Variants in STAG1 observed in about 807,000 individuals in gnomAD.
The protein encoded by STAG1 is cohesin subunit SA-1.
Under a neutral mutation model 170.9 loss-of-function variants are expected in STAG1, and 26 were observed. The observed-to-expected ratio is 0.15, with a 90% CI of 0.11 to 0.21. The LOEUF (loss-of-function observed/expected upper bound fraction) is 0.21. Among genes scored for constraint, STAG1 ranks in the 10% least tolerant of loss-of-function variants. The probability of loss-of-function intolerance (pLI) is 1.00; values close to 1 mark genes in which losing one functional copy is unlikely to be tolerated. For missense variants in STAG1, 964 were observed against 1,509.5 expected, an observed-to-expected ratio of 0.64 and a Z score of 5.99; for synonymous variants, 514 against 497.7, an observed-to-expected ratio of 1.03 and a Z score of -0.44.
At chr3:136,648,088 T>C (rs1444934844) in intron 1 of STAG1, among the ~76,000 whole-genome samples, 1 of 152,228 alleles carries the variant, frequency 6.6e-6, no homozygotes, top group Non-Finnish European at 1.5e-5. Context: ...CATGAGTTGA[T>C]AACTATTGAA....
At chr3:136,565,277 A>C (rs1937036331) in intron 5 of STAG1, among the ~76,000 whole-genome samples, 1 of 152,172 alleles carries the variant, frequency 6.6e-6, no homozygotes, top group African/African-American at 2.4e-5. Flanking sequence ...AAAATAGCTG[A>C]AGTTAAATAC....
At chr3:136,560,727 T>C (rs990694760) in intron 5 of STAG1, among the ~76,000 whole-genome samples, 19 of 152,222 alleles carry the variant, frequency 1.2e-4, no homozygotes, top group African/African-American at 4.6e-4. Flanking sequence ...CTATGGGTGC[T>C]AATGCAACTT....
intron 1 of STAG1, chr3:136,736,550 C>A (rs1934344900): frequency 1.3e-6 from 2 of 1,502,642 alleles, no homozygotes; most frequent in Non-Finnish European, 1.9e-6. Flanking sequence ...GATTTATCTT[C>A]TCTTTCTTCC....
chr3:136,401,421 T>C (rs1040720924), intron 21 of STAG1, among the ~76,000 whole-genome samples: 1 of 152,236 alleles, frequency 6.6e-6, no homozygotes, highest in African/African-American at 2.4e-5. Context: ...TTCTGGATCA[T>C]ACAGTATGTG....
At chr3:136,587,145 T>C (rs2107786830) in intron 4 of STAG1, among the ~76,000 whole-genome samples, 1 of 152,144 alleles carries the variant, frequency 6.6e-6, no homozygotes, top group East Asian at 1.9e-4. Context: ...CCAAAGTTAA[T>C]TTCAGAGACT....
At chr3:136,687,690 T>C (rs1296698092) in intron 1 of STAG1, among the ~76,000 whole-genome samples, 1 of 152,024 alleles carries the variant, frequency 6.6e-6, no homozygotes, top group Non-Finnish European at 1.5e-5. Context: ...GAAACGTGGA[T>C]TATACATTGT....
chr3:136,715,992 G>A (rs1471232784), intron 1 of STAG1, among the ~76,000 whole-genome samples: 5 of 152,090 alleles, frequency 3.3e-5, no homozygotes, highest in African/African-American at 7.2e-5. Flanking sequence ...CAGCTACTCA[G>A]CAGGCTGAAG....
At chr3:136,523,853 T>C (rs1161052672) in intron 6 of STAG1, among the ~76,000 whole-genome samples, 1 of 152,148 alleles carries the variant, frequency 6.6e-6, no homozygotes, top group African/African-American at 2.4e-5. Flanking sequence ...AAATAGGGAA[T>C]CCTTTCCCCA....
chr3:136,492,122 A>G (rs761564893), intron 9 of STAG1, among the ~76,000 whole-genome samples: 20 of 152,254 alleles, frequency 1.3e-4, no homozygotes, highest in Non-Finnish European at 1.9e-4. Flanking sequence ...ACGTGCAGTA[A>G]TATCTCCTAT....
At chr3:136,751,181 TTTTG>T (rs1935211715) in intron 1 of STAG1, among the ~76,000 whole-genome samples, 2 of 147,324 alleles carry the variant, frequency 1.4e-5, no homozygotes, top group African/African-American at 5.4e-5. Flanking sequence ...CGTTTTTTTT[TTTTG>T]TTTTTTTTTT....
chr3:136,409,674 A>C lies in STAG1; in HGVS notation c.2196+8211T>G, dbSNP rs115070754. 1.2e-4 allele frequency among the ~76,000 whole-genome samples: 19 copies of C among 152,140 alleles called. No homozygotes were observed. The East Asian group carries it at 3.3e-3, about 26-fold the overall frequency. On this transcript the variant is annotated intron_variant, in intron 21 of 33. Coordinates refer to ENST00000383202, the MANE Select transcript of STAG1 (RefSeq NM_005862.3). The stretch of plus-strand genomic sequence containing the variant: ...CATTGAAACTCGCCCCCTACATTAC[A>C]CTCAGTCTGAAGAATGTGTTCATGT...
intron 4 of STAG1, among the ~76,000 whole-genome samples, chr3:136,580,852 C>T (rs886832409): frequency 6.6e-6 from 1 of 151,974 alleles, no homozygotes; most frequent in Admixed American, 6.6e-5. Flanking sequence ...ATTCTTAAAT[C>T]TAAGTTTTTC....
chr3:136,485,282 A>G (rs1286941864), intron 9 of STAG1, among the ~76,000 whole-genome samples: 1 of 152,016 alleles, frequency 6.6e-6, no homozygotes, highest in African/African-American at 2.4e-5. Context: ...ATGGTGAAAC[A>G]CCATCTCTAC....
At chr3:136,605,411 T>C (rs924935806) in intron 3 of STAG1, among the ~76,000 whole-genome samples, 8 of 152,254 alleles carry the variant, frequency 5.3e-5, no homozygotes, top group African/African-American at 1.9e-4. Flanking sequence ...CATTCATACA[T>C]TCATTCATTC....
intron 1 of STAG1, among the ~76,000 whole-genome samples, chr3:136,734,209 CCT>C (rs1014037720): frequency 6.6e-6 from 1 of 151,810 alleles, no homozygotes. Context: ...GGGCTGACTA[CCT>C]CTCAGTGCCC....
At chr3:136,342,327 T>G (rs1458994300) in intron 30 of STAG1, among the ~76,000 whole-genome samples, 1 of 151,824 alleles carries the variant, frequency 6.6e-6, no homozygotes, top group Non-Finnish European at 1.5e-5. Context: ...CCAGGAATTT[T>G]TTTTTTTTAA....
At chr3:136,556,223 A>G (rs1039660087) in intron 5 of STAG1, among the ~76,000 whole-genome samples, 1 of 152,236 alleles carries the variant, frequency 6.6e-6, no homozygotes, top group African/African-American at 2.4e-5. Context: ...TTTCACACAT[A>G]CATCCCCTTC....
intron 2 of STAG1, among the ~76,000 whole-genome samples, chr3:136,630,136 A>G (rs1029927713): frequency 2.0e-5 from 3 of 152,178 alleles, no homozygotes; most frequent in African/African-American, 7.2e-5. Context: ...CAGAGGTAGC[A>G]GTGAGCCGAG....
At chr3:136,639,067 TCACACA>T (rs370462341) in intron 1 of STAG1, among the ~76,000 whole-genome samples, 1 of 149,960 alleles carries the variant, frequency 6.7e-6, no homozygotes, top group Middle Eastern at 3.4e-3. Flanking sequence ...GAGAGAATGC[TCACACA>T]CACACACACA....
Sources: allele counts gnomAD v4.1 joint callset (sites outside exome capture counted in the v4.1 genomes callset), GRCh38; gene constraint gnomAD v4.1.1; transcripts MANE v1.5; gene names NCBI Gene and HGNC (gene_info 2026-07-23, HGNC 2026-07-21).